The following TMOD1 variants were observed in gnomAD, a reference collection of about 807,000 sequenced individuals.
The protein encoded by TMOD1 is tropomodulin 1.
Under a neutral mutation model 40.6 loss-of-function variants are expected in TMOD1, and 17 were observed. The ratio of observed to expected loss-of-function variants is 0.42; its 90% CI spans 0.29 to 0.63. The LOEUF is 0.63. Among genes scored for constraint, TMOD1 ranks in the 20% least tolerant of loss-of-function variants. The pLI, the probability that TMOD1 is intolerant of heterozygous loss-of-function variation, is 0.22. For synonymous variants in TMOD1, 181 were observed against 175.0 expected (o/e 1.03, Z -0.27); for missense variants, 391 against 447.6 (o/e 0.87, Z 1.14).
At chr9:97,590,723 A>G (rs939845850) in intron 8 of TMOD1, among the ~76,000 whole-genome samples, 5 of 152,012 alleles carry the variant, frequency 3.3e-5, no homozygotes, top group African/African-American at 7.3e-5. Context: ...TGGGCTTTAG[A>G]AAGCTAACTT....
intron 2 of TMOD1, among the ~76,000 whole-genome samples, chr9:97,545,296 T>C (rs1587933161): frequency 6.6e-6 from 1 of 152,262 alleles, no homozygotes; most frequent in Non-Finnish European, 1.5e-5. Context: ...TGTGCACTGA[T>C]GATCTCTAAG....
chr9:97,591,124 G>C (rs766756727), intron 8 of TMOD1, among the ~76,000 whole-genome samples, 167 bp from the exon 9 acceptor site: 10 of 152,162 alleles, frequency 6.6e-5, no homozygotes, highest in Admixed American at 3.3e-4. Flanking sequence ...GCTCCTGGCC[G>C]TGTGACCTTT....
In TMOD1 at chr9:97,587,099, A is replaced by T. The variant is rs74619339; in HGVS notation, c.871-4192A>T. Among the ~76,000 whole-genome samples the T allele has an allele frequency of 5.3e-3, 799 of 152,178 alleles. 4 individuals are homozygous for T. The highest frequency in any genetic ancestry group is 0.018 in the African/African-American group (767 of 41,508). ...ATGTACCAATCGTTTGCTCTTTTTC[A>T]CTGGTGAGTAGTATTCCATGGTGTG... On this transcript the variant is annotated intron_variant, in intron 8 of 9. Coordinates refer to ENST00000259365, the MANE Select transcript of TMOD1 (RefSeq NM_003275.4).
At chr9:97,535,563 C>A (rs544076367) in intron 2 of TMOD1, among the ~76,000 whole-genome samples, 2 of 152,192 alleles carry the variant, frequency 1.3e-5, no homozygotes, top group Non-Finnish European at 2.9e-5. Flanking sequence ...TGGCTGTGAG[C>A]CCCTCTGGGC....
At chr9:97,515,185 A>C (rs1231863598) in intron 1 of TMOD1, among the ~76,000 whole-genome samples, 5 of 128,460 alleles carry the variant, frequency 3.9e-5, no homozygotes, top group Non-Finnish European at 8.3e-5. Context: ...AAAAGTTTGT[A>C]AACTAAAACA....
chr9:97,536,770 T>G (rs1156233670), intron 2 of TMOD1, among the ~76,000 whole-genome samples: 1 of 152,182 alleles, frequency 6.6e-6, no homozygotes, highest in Non-Finnish European at 1.5e-5. Context: ...TTTTACCACC[T>G]GTCCTGTCCT....
intron 2 of TMOD1, among the ~76,000 whole-genome samples, chr9:97,531,879 C>T (rs1201507198): frequency 5.3e-5 from 8 of 152,126 alleles, no homozygotes; most frequent in Admixed American, 3.3e-4. Flanking sequence ...CAAGCATCAA[C>T]AAAACCCTGA....
chr9:97,589,559 G>A (rs546352771), intron 8 of TMOD1, among the ~76,000 whole-genome samples: 6 of 151,968 alleles, frequency 3.9e-5, no homozygotes, highest in Admixed American at 2.6e-4. Context: ...GATTACAGGC[G>A]TGAGCCACTG....
chr9:97,586,334 G>A (rs1422577736), intron 8 of TMOD1, among the ~76,000 whole-genome samples: 3 of 152,134 alleles, frequency 2.0e-5, no homozygotes, highest in Admixed American at 1.3e-4. Context: ...AGGGGTCAGG[G>A]ACCCACTTGA....
intron 4 of TMOD1, among the ~76,000 whole-genome samples, chr9:97,555,243 C>G (rs1830517349): frequency 6.6e-6 from 1 of 152,230 alleles, no homozygotes; most frequent in Non-Finnish European, 1.5e-5. Context: ...ACCAAACCAT[C>G]TCCCCGAAGT....
intron 2 of TMOD1, among the ~76,000 whole-genome samples, chr9:97,536,731 T>G (rs187608411): frequency 6.6e-6 from 1 of 152,254 alleles, no homozygotes; most frequent in Non-Finnish European, 1.5e-5. Flanking sequence ...TCCCCGGCCC[T>G]TGGCTTCTTC....
intron 8 of TMOD1, among the ~76,000 whole-genome samples, chr9:97,581,565 G>A (rs1443326461): frequency 2.0e-5 from 3 of 151,320 alleles, no homozygotes; most frequent in Non-Finnish European, 3.0e-5. Flanking sequence ...CTGAGGAATC[G>A]CCACACTGAC....
chr9:97,600,741 A>ATT lies in TMOD1; in HGVS notation c.*1044_*1045dup. The ATT allele has an allele frequency of 9.9e-7, 1 of 1,007,160 alleles. No individual in the cohort carries two copies. The highest frequency in any genetic ancestry group is 1.2e-6 in the Non-Finnish European group (1 of 843,028). 62.4% of individuals were successfully genotyped at this position (1,007,160 alleles called of 1,614,324 possible). A position where few individuals can be genotyped will look rare whatever the true frequency, so the allele number is the denominator to read the frequency against. On this transcript the variant is annotated 3_prime_UTR_variant, in exon 10 of 10. Coordinates refer to ENST00000259365, the MANE Select transcript of TMOD1 (RefSeq NM_003275.4). ...GTGAAGAAACTCCAGATATCAAGGA[A>ATT]TTGGGAAATCCTGGCCAAACCACCC...
chr9:97,524,374 G>GCTTC (rs1829967030), intron 2 of TMOD1, 66 bp downstream of exon 2: 5 of 1,547,928 alleles, frequency 3.2e-6, no homozygotes, highest in South Asian at 1.2e-5. Flanking sequence ...ACAGGTGGAT[G>GCTTC]CTTCCTAAAG....
At chr9:97,510,194 A>C (rs1397361282) in intron 1 of TMOD1, among the ~76,000 whole-genome samples, 1 of 152,032 alleles carries the variant, frequency 6.6e-6, no homozygotes, top group African/African-American at 2.4e-5. Context: ...TAAAATGGAG[A>C]ATGAGGATAG....
chr9:97,584,760 CTTCT>C (rs1825832754), intron 8 of TMOD1, among the ~76,000 whole-genome samples: 1 of 152,066 alleles, frequency 6.6e-6, no homozygotes, highest in Admixed American at 6.6e-5. Flanking sequence ...ATGTAATGGC[CTTCT>C]TTGTCTCTTT....
intron 8 of TMOD1, among the ~76,000 whole-genome samples, chr9:97,573,647 G>A (rs1451398171): frequency 1.3e-5 from 2 of 152,180 alleles, no homozygotes; most frequent in Non-Finnish European, 1.5e-5. Context: ...TGCATGATCT[G>A]AGGTGGAGAA....
chr9:97,523,592 T>C lies in TMOD1; in HGVS notation c.-48-549T>C, dbSNP rs1451840877. Reference sequence around the variant, plus strand: ...CTACCTCACAGGTTAAATGAGAAAGTCCTTGTGAAGTACTGAACACACAGC... The same window carrying C: ...CTACCTCACAGGTTAAATGAGAAAGCCCTTGTGAAGTACTGAACACACAGC... On this transcript the variant is annotated intron_variant, in intron 1 of 9. Coordinates refer to ENST00000259365, the MANE Select transcript of TMOD1 (RefSeq NM_003275.4). 1.2e-4 allele frequency among the ~76,000 whole-genome samples: 18 copies of C among 152,224 alleles called. 1 individual carries two copies. Among genetic ancestry groups the C allele is most frequent in the Admixed American group, 1.2e-3 (18 of 15,290 alleles).
intron 7 of TMOD1, among the ~76,000 whole-genome samples, chr9:97,568,592 G>A (rs1830768835): frequency 6.6e-6 from 1 of 152,240 alleles, no homozygotes; most frequent in African/African-American, 2.4e-5. Context: ...GCACCGAGCA[G>A]GCATGGGGAG....
Sources: allele counts gnomAD v4.1 joint callset (sites outside exome capture counted in the v4.1 genomes callset), GRCh38; gene constraint gnomAD v4.1.1; transcripts MANE v1.5; gene names NCBI Gene and HGNC (gene_info 2026-07-23, HGNC 2026-07-21).